Variants in NEBL observed in about 807,000 individuals in gnomAD.
The protein encoded by NEBL is nebulette, also known as LIM and SH3 protein 2.
In NEBL, 122 loss-of-function variants were observed where a neutral mutation model predicts 140.2. The ratio of observed to expected loss-of-function variants is 0.87; its 90% CI spans 0.75 to 1.01. NEBL has a LOEUF of 1.01. NEBL is among the 50% of genes least tolerant of loss of function. NEBL has a pLI of 0.00. For missense variants in NEBL, 1,365 were observed against 1,231.3 expected (o/e 1.11, Z -1.62); for synonymous variants, 436 against 398.9 (o/e 1.09, Z -1.11).
chr10:21,098,402 T>C (rs1024868812), intron 2 of NEBL, among the ~76,000 whole-genome samples: 1 of 152,200 alleles, frequency 6.6e-6, no homozygotes, highest in Admixed American at 6.5e-5. Flanking sequence ...CAATAAATGC[T>C]CATTGAATTG....
At chr10:20,832,422 T>C (rs1351920357) in intron 14 of NEBL, among the ~76,000 whole-genome samples, 1 of 151,114 alleles carries the variant, frequency 6.6e-6, no homozygotes, top group Non-Finnish European at 1.5e-5. Flanking sequence ...AAATAAGTTA[T>C]CTCTGTTTTT....
intron 1 of NEBL, among the ~76,000 whole-genome samples, chr10:21,266,697 T>A (rs552425359): frequency 3.9e-5 from 6 of 152,282 alleles, no homozygotes; most frequent in African/African-American, 1.4e-4. Flanking sequence ...CAGCCCAGAA[T>A]CCTCAGGGGA....
intron 2 of NEBL, among the ~76,000 whole-genome samples, chr10:21,167,561 T>G (rs1374170682): frequency 1.3e-5 from 2 of 152,220 alleles, no homozygotes; most frequent in African/African-American, 4.8e-5. Context: ...GTCTTGGCAA[T>G]GCTACTTCTA....
At chr10:21,124,258 G>A (rs1033286622) in intron 2 of NEBL, among the ~76,000 whole-genome samples, 3 of 152,156 alleles carry the variant, frequency 2.0e-5, no homozygotes, top group Non-Finnish European at 4.4e-5. Context: ...TACTAATATT[G>A]TATTACTGTC....
intron 2 of NEBL, among the ~76,000 whole-genome samples, chr10:20,895,303 C>T (rs1422024758): frequency 1.3e-5 from 2 of 152,122 alleles, no homozygotes; most frequent in Non-Finnish European, 2.9e-5. Flanking sequence ...TAGTTGGTAG[C>T]ATTACTACTA....
intron 4 of NEBL, among the ~76,000 whole-genome samples, chr10:20,931,676 C>A (rs777519295): frequency 1.3e-5 from 2 of 152,078 alleles, no homozygotes; most frequent in African/African-American, 2.4e-5. Context: ...CCATGCAGGG[C>A]GCAGAAGTTA....
chr10:21,053,291 T>C (rs767562383), intron 2 of NEBL, among the ~76,000 whole-genome samples: 3 of 152,136 alleles, frequency 2.0e-5, no homozygotes, highest in Non-Finnish European at 2.9e-5. Context: ...GTTAATTAAG[T>C]GATGTTAAGC....
intron 3 of NEBL, among the ~76,000 whole-genome samples, chr10:21,213,361 C>T (rs920035097): frequency 1.3e-5 from 2 of 152,176 alleles, no homozygotes; most frequent in African/African-American, 4.8e-5. Flanking sequence ...AGATTCAAAA[C>T]AGATGGAGAT....
chr10:21,169,059 A>ATAT (rs1840934163), intron 2 of NEBL, among the ~76,000 whole-genome samples: 2 of 43,820 alleles, frequency 4.6e-5, no homozygotes, highest in Admixed American at 3.3e-4. Context: ...CAAAAAAAAA[A>ATAT]AAAAAAAAAT....
At chr10:21,001,208 G>A (rs778459966) in intron 3 of NEBL, among the ~76,000 whole-genome samples, 12 of 152,104 alleles carry the variant, frequency 7.9e-5, no homozygotes, top group Non-Finnish European at 1.3e-4. Flanking sequence ...GACCGCCAGA[G>A]ACAAAAAGCT....
chr10:21,223,720 G>A (rs892685660), intron 3 of NEBL, among the ~76,000 whole-genome samples: 3 of 152,098 alleles, frequency 2.0e-5, no homozygotes, highest in African/African-American at 4.8e-5. Flanking sequence ...GTTATTGCCT[G>A]TCTTTTGGAT....
chr10:20,795,536 G>A (rs1003052772), intron 26 of NEBL, among the ~76,000 whole-genome samples: 2 of 149,788 alleles, frequency 1.3e-5, no homozygotes, highest in African/African-American at 2.5e-5. Flanking sequence ...ACAAGTCTCT[G>A]GGGAGAGAGA....
At chr10:21,084,181 A>T (rs1199855319) in intron 2 of NEBL, among the ~76,000 whole-genome samples, 1 of 152,146 alleles carries the variant, frequency 6.6e-6, no homozygotes, top group Non-Finnish European at 1.5e-5. Context: ...TGGCTTTGAG[A>T]CTTTCTCAAA....
intron 2 of NEBL, chr10:21,172,081 C>A (rs1194332048): frequency 4.9e-6 from 2 of 405,188 alleles, no homozygotes; most frequent in Non-Finnish European, 4.6e-6. Flanking sequence ...CACTTCAGAG[C>A]CCACACGTTC....
chr10:20,814,825 G>A (rs997290798), intron 22 of NEBL, among the ~76,000 whole-genome samples: 1 of 152,090 alleles, frequency 6.6e-6, no homozygotes, highest in African/African-American at 2.4e-5. Context: ...AACAAATTTA[G>A]TTGTTCTTCT....
intron 3 of NEBL, among the ~76,000 whole-genome samples, chr10:20,968,786 C>T (rs1836442030): frequency 6.6e-6 from 1 of 152,150 alleles, no homozygotes; most frequent in African/African-American, 2.4e-5. Context: ...ATTTCATTAC[C>T]TTTCACGACA....
At chr10:20,814,645 G>C (rs913330134) in intron 22 of NEBL, among the ~76,000 whole-genome samples, 3 of 100,766 alleles carry the variant, frequency 3.0e-5, no homozygotes, top group African/African-American at 1.5e-4. Context: ...CACACAACTG[G>C]TTATCATATT....
intron 2 of NEBL, chr10:21,146,526 A>T: frequency 6.3e-7 from 1 of 1,597,734 alleles, no homozygotes; most frequent in Non-Finnish European, 8.5e-7. Context: ...CTGCATTATC[A>T]GAAAATGGTG....
chr10:20,840,742 A>C lies in NEBL; in HGVS notation c.1335T>G (p.Ser445Arg), dbSNP rs1841335733. ...GGTGTTAAATAAACATACTCACCTC[A>C]CTTGCCATTTCAGAGGCTCGCTTTG... ...QRAKRASEMA[S>R]EKEYKKDLES... Residue 445 changes from serine (S) to arginine (R), a missense_variant, in exon 13 of 28, where the codon AGT becomes AGG. Coordinates refer to ENST00000377122, the MANE Select transcript of NEBL (RefSeq NM_006393.3). 1.3e-6 allele frequency: 2 copies of C among 1,597,906 alleles called. No homozygotes were observed. Among genetic ancestry groups the C allele is most frequent in the South Asian group, 1.1e-5 (1 of 90,716 alleles).
Sources: allele counts gnomAD v4.1 joint callset (sites outside exome capture counted in the v4.1 genomes callset), GRCh38; gene constraint gnomAD v4.1.1; transcripts MANE v1.5; gene names NCBI Gene and HGNC (gene_info 2026-07-23, HGNC 2026-07-21).